NELL1: variants seen among roughly 807,000 people sequenced by gnomAD.
NELL1 encodes protein kinase C-binding protein NELL1.
A neutral mutation model predicts 107.4 loss-of-function variants in NELL1; 76 were observed. The ratio of observed to expected loss-of-function variants is 0.71; its 90% CI spans 0.59 to 0.86. The LOEUF is 0.86. Ranked by LOEUF, NELL1 falls within the 40% of genes least tolerant of loss-of-function variation. NELL1 has a pLI of 0.00. For synonymous variants in NELL1, 353 were observed against 341.2 expected (o/e 1.03, Z -0.38); for missense variants, 1,024 against 1,005.5 (o/e 1.02, Z -0.25).
chr11:21,218,365 TGTA>T lies in NELL1; in HGVS notation c.1427-10963_1427-10961del, dbSNP rs1480568143. ...TTTTAAATTTTTTTAAAAATTGACATGTAGTAAGTGTACATATTTATAAGATAC... is the reference window on the plus strand; with the variant it reads ...TTTTAAATTTTTTTAAAAATTGACATGTAAGTGTACATATTTATAAGATAC... On this transcript the variant is annotated intron_variant, in intron 13 of 19. Transcript: ENST00000357134. 5.9e-5 allele frequency among the ~76,000 whole-genome samples: 9 copies of T among 152,278 alleles called. No homozygotes were observed. The East Asian group carries it at 1.5e-3, about 26-fold the overall frequency.
intron 4 of NELL1, among the ~76,000 whole-genome samples, chr11:20,863,615 C>T (rs1849034433): frequency 6.6e-6 from 1 of 151,318 alleles, no homozygotes; most frequent in Non-Finnish European, 1.5e-5. Context: ...GCGGTCCTCA[C>T]CTCCCAGACT....
At chr11:20,839,019 A>G (rs1413235844) in intron 3 of NELL1, among the ~76,000 whole-genome samples, 1 of 151,570 alleles carries the variant, frequency 6.6e-6, no homozygotes, top group Non-Finnish European at 1.5e-5. Flanking sequence ...GACAATCAAA[A>G]CCAAATGATT....
At chr11:21,092,674 A>T (rs1854548536) in intron 12 of NELL1, among the ~76,000 whole-genome samples, 2 of 152,194 alleles carry the variant, frequency 1.3e-5, no homozygotes, top group Non-Finnish European at 2.9e-5. Context: ...ATTTCTACAA[A>T]ATAGCCATTT....
intron 14 of NELL1, among the ~76,000 whole-genome samples, chr11:21,243,367 G>C (rs1370113719): frequency 6.6e-6 from 1 of 151,980 alleles, no homozygotes; most frequent in African/African-American, 2.4e-5. Context: ...AACTAGATGA[G>C]GTAGAAAATG....
intron 12 of NELL1, among the ~76,000 whole-genome samples, chr11:20,960,867 T>C (rs1244632969): frequency 2.0e-5 from 3 of 152,200 alleles, no homozygotes; most frequent in Non-Finnish European, 4.4e-5. Context: ...AGACACATCA[T>C]ATTCTGTTTT....
chr11:20,934,565 G>T (rs554125097), intron 9 of NELL1, among the ~76,000 whole-genome samples: 1 of 152,348 alleles, frequency 6.6e-6, no homozygotes, highest in African/African-American at 2.4e-5. Flanking sequence ...CTTAAGGCAG[G>T]TGATCAAATG....
At chr11:20,987,385 A>G (rs1851874927) in intron 12 of NELL1, among the ~76,000 whole-genome samples, 1 of 152,186 alleles carries the variant, frequency 6.6e-6, no homozygotes, top group Non-Finnish European at 1.5e-5. Flanking sequence ...GCTGCTCTGA[A>G]GAAATACCTG....
At chr11:21,386,595 C>A (rs569193809) in intron 15 of NELL1, among the ~76,000 whole-genome samples, 1 of 151,892 alleles carries the variant, frequency 6.6e-6, no homozygotes, top group East Asian at 2.0e-4. Flanking sequence ...TAAAGAACTG[C>A]GGACTGCACT....
intron 13 of NELL1, among the ~76,000 whole-genome samples, chr11:21,171,585 A>G (rs980619086): frequency 6.6e-6 from 1 of 151,870 alleles, no homozygotes; most frequent in African/African-American, 2.4e-5. Flanking sequence ...CTCTCAGACA[A>G]CTAGTTTTCT....
chr11:21,070,181 G>A (rs552263714), intron 12 of NELL1, among the ~76,000 whole-genome samples: 193 of 151,942 alleles, frequency 1.3e-3, no homozygotes, highest in Non-Finnish European at 2.4e-3. Context: ...TGATTTCAAT[G>A]TGGAGCCTTG....
chr11:20,975,925 A>G (rs1434347132), intron 12 of NELL1, among the ~76,000 whole-genome samples: 3 of 139,848 alleles, frequency 2.1e-5, no homozygotes, highest in African/African-American at 7.8e-5. Flanking sequence ...AAACACACAT[A>G]TATGTACATA....
At chr11:20,859,656 T>C (rs577187388) in intron 4 of NELL1, among the ~76,000 whole-genome samples, 2 of 152,314 alleles carry the variant, frequency 1.3e-5, no homozygotes, top group Non-Finnish European at 2.9e-5. Flanking sequence ...ACTTTGCAAT[T>C]GAAGGTCTCA....
chr11:20,770,690 A>G (rs1856622461), intron 2 of NELL1: 1 of 152,224 alleles, frequency 6.6e-6, no homozygotes, highest in Admixed American at 6.5e-5. Context: ...TTTTTAGGAC[A>G]GTGGAAATAA....
At chr11:21,334,462 T>A (rs1210295260) in intron 14 of NELL1, among the ~76,000 whole-genome samples, 1 of 151,922 alleles carries the variant, frequency 6.6e-6, no homozygotes, top group East Asian at 1.9e-4. Context: ...AACATTATAT[T>A]CATAATAGAG....
intron 12 of NELL1, among the ~76,000 whole-genome samples, chr11:20,964,906 A>C (rs1851359286): frequency 6.6e-6 from 1 of 152,044 alleles, no homozygotes; most frequent in Non-Finnish European, 1.5e-5. Flanking sequence ...ACCGTGTGAC[A>C]ACTGACAGGT....
At chr11:20,740,610 T>A (rs1447414002) in intron 2 of NELL1, among the ~76,000 whole-genome samples, 1 of 152,186 alleles carries the variant, frequency 6.6e-6, no homozygotes, top group Admixed American at 6.5e-5. Flanking sequence ...CTGATGCTGG[T>A]GTCCCAAGTT....
intron 14 of NELL1, among the ~76,000 whole-genome samples, chr11:21,365,261 C>T (rs1229191995): frequency 6.6e-6 from 1 of 152,174 alleles, no homozygotes; most frequent in East Asian, 1.9e-4. Context: ...CTTCCCAACA[C>T]CCAGTACATT....
intron 2 of NELL1, among the ~76,000 whole-genome samples, chr11:20,746,385 C>T (rs1856003292): frequency 6.6e-6 from 1 of 152,168 alleles, no homozygotes; most frequent in Non-Finnish European, 1.5e-5. Flanking sequence ...TCCCCACTTA[C>T]TAGGTCAGTA....
At chr11:20,813,005 TCAAAAAAAAAAAAAAAAAAAAAAAA>T (rs1383561131) in intron 3 of NELL1, among the ~76,000 whole-genome samples, 1 of 56,386 alleles carries the variant, frequency 1.8e-5, no homozygotes, top group Admixed American at 3.5e-4. Context: ...AGACTCCGTC[TCAAAAAAAAAAAAAAAAAAAAAAAA>T]AAAAAAAAAA....
Sources: gnomAD v4.1 joint callset for allele counts (sites outside exome capture counted in the v4.1 genomes callset) on GRCh38, gnomAD v4.1.1 for gene constraint, MANE v1.5 for transcripts, NCBI Gene and HGNC (gene_info 2026-07-23, HGNC 2026-07-21) for gene names.